Variants in ATXN10 observed in about 807,000 individuals in gnomAD.
ATXN10 encodes ataxin 10.
In ATXN10, 28 loss-of-function variants were observed where a neutral mutation model predicts 52.9. The ratio of observed to expected loss-of-function variants is 0.53; its 90% CI spans 0.39 to 0.73. The LOEUF is 0.73. ATXN10 is among the 30% of genes least tolerant of loss of function. The pLI, the probability that ATXN10 is intolerant of heterozygous loss-of-function variation, is 0.00. For synonymous variants in ATXN10, 226 were observed against 221.5 expected, an observed-to-expected ratio of 1.02 and a Z score of -0.18; for missense variants, 565 against 577.0, an observed-to-expected ratio of 0.98 and a Z score of 0.21.
intron 10 of ATXN10, among the ~76,000 whole-genome samples, chr22:45,829,825 C>T (rs1928930487): frequency 6.6e-6 from 1 of 152,124 alleles, no homozygotes; most frequent in South Asian, 2.1e-4. Context: ...TAATGCAAGT[C>T]ATGTCAATAT....
In ATXN10 at chr22:45,840,133, C is replaced by T. The variant is rs549061082; in HGVS notation, c.1238-2858C>T. On this transcript the variant is annotated intron_variant, in intron 10 of 11. Transcript: ENST00000252934. This position sits in a 1 kb window ranked among gnomAD's most constrained non-coding sequence, Gnocchi z 5.8. ...CACGGTGGCTGTAGTCCCAGCTATT[C>T]GGGAGGCTGAGGCAAGAGGATCACT... 1.2e-4 allele frequency among the ~76,000 whole-genome samples: 18 copies of T among 152,234 alleles called. No homozygotes were observed. In the South Asian group the frequency reaches 1.7e-3, roughly 14 times the overall value.
At position 45,787,591 on chromosome 22, in the gene ATXN10, A is replaced by G. The variant is rs1185430294; in HGVS notation, c.1174-19368A>G. ...CAGTCGTCTTGAGTTGAACGTTCTC[A>G]TCAATACTTTGGTGGCTCTTCCCAT... On this transcript the variant is annotated intron_variant, in intron 9 of 11. Coordinates refer to ENST00000252934, the MANE Select transcript of ATXN10 (RefSeq NM_013236.4). This position sits in a 1 kb window ranked among gnomAD's most constrained non-coding sequence, Gnocchi z 4.2. Among the ~76,000 whole-genome samples, 1 of 152,164 alleles carries G rather than the reference A, an allele frequency of 6.6e-6. No individual in the cohort carries two copies. Among genetic ancestry groups the G allele is most frequent in the African/African-American group, 2.4e-5 (1 of 41,436 alleles).
chr22:45,785,403 CTG>C (rs1486168257), intron 9 of ATXN10, among the ~76,000 whole-genome samples: 2 of 152,346 alleles, frequency 1.3e-5, no homozygotes, highest in African/African-American at 4.8e-5. Flanking sequence ...AAAACTAACA[CTG>C]TGCTTCTACT....
intron 6 of ATXN10, among the ~76,000 whole-genome samples, chr22:45,724,528 T>C (rs1214991772): frequency 2.0e-5 from 3 of 152,210 alleles, no homozygotes; most frequent in East Asian, 3.8e-4. Context: ...TGTTTTTTTC[T>C]CACTGATTTG....
In ATXN10 at chr22:45,712,504, C is replaced by G. The variant is rs1008568803; in HGVS notation, c.648-5909C>G. On this transcript the variant is annotated intron_variant, in intron 5 of 11. Coordinates refer to ENST00000252934, the MANE Select transcript of ATXN10 (RefSeq NM_013236.4). This position sits in a 1 kb window ranked among gnomAD's most constrained non-coding sequence, Gnocchi z 4.6. Reference sequence around the variant, plus strand: ...GGTAGACAGCGTAGCCAGTGTCACACTGCCAGTGAGTGTTGGGCTGAGACT... The same window carrying G: ...GGTAGACAGCGTAGCCAGTGTCACAGTGCCAGTGAGTGTTGGGCTGAGACT... Among the ~76,000 whole-genome samples, 3 of 152,190 alleles carry G rather than the reference C, an allele frequency of 2.0e-5. No individual in the cohort carries two copies. Among genetic ancestry groups the G allele is most frequent in the African/African-American group, 7.2e-5 (3 of 41,446 alleles).
At chr22:45,716,288 C>T (rs889755638) in intron 5 of ATXN10, among the ~76,000 whole-genome samples, 3 of 149,850 alleles carry the variant, frequency 2.0e-5, no homozygotes, top group African/African-American at 2.5e-5. Flanking sequence ...AAAACGAAAG[C>T]GGCGCTTAGA....
At chr22:45,821,560 C>G (rs1928650401) in intron 10 of ATXN10, among the ~76,000 whole-genome samples, 1 of 152,092 alleles carries the variant, frequency 6.6e-6, no homozygotes, top group South Asian at 2.1e-4. Context: ...GAGTCTATAT[C>G]CAGGATAAAA....
intron 9 of ATXN10, among the ~76,000 whole-genome samples, chr22:45,788,349 C>T (rs953723379): frequency 6.6e-6 from 1 of 151,912 alleles, no homozygotes; most frequent in Admixed American, 6.6e-5. Context: ...AATGATCCCA[C>T]CACACATCCA....
chr22:45,800,560 T>C (rs1440245018), intron 9 of ATXN10, among the ~76,000 whole-genome samples: 1 of 152,176 alleles, frequency 6.6e-6, no homozygotes, highest in African/African-American at 2.4e-5. Flanking sequence ...GTTGAACATA[T>C]ACTTCATATG....
chr22:45,736,552 C>G (rs978969256), intron 7 of ATXN10, among the ~76,000 whole-genome samples: 5 of 152,126 alleles, frequency 3.3e-5, no homozygotes, highest in Non-Finnish European at 7.4e-5. Flanking sequence ...ATAGGTTCCC[C>G]TTTCCTCTTC....
Position 45,833,606 on chromosome 22 carries a change from A to AT in ATXN10, c.1238-9383dup, listed in dbSNP as rs543334096. Among the ~76,000 whole-genome samples the AT allele has an allele frequency of 2.8e-3, 426 of 152,288 alleles. 8 individuals are homozygous for AT. Among genetic ancestry groups the AT allele is most frequent in the Non-Finnish European group, 6.8e-4 (46 of 68,010 alleles). The stretch of plus-strand genomic sequence containing the variant: ...GCTCCAAATTTTTATTTCACTTTGA[A>AT]TTGTTAGCTTATTAGCTAGTTCTAA... On this transcript the variant is annotated intron_variant, in intron 10 of 11. Transcript: ENST00000252934. This position sits in a 1 kb window ranked among gnomAD's most constrained non-coding sequence, Gnocchi z 4.3.
chr22:45,743,962 C>G (rs752091085), intron 9 of ATXN10, among the ~76,000 whole-genome samples: 1 of 152,080 alleles, frequency 6.6e-6, no homozygotes, highest in Non-Finnish European at 1.5e-5. Flanking sequence ...AATAGACTTC[C>G]TGCAGGACTT....
At chr22:45,693,804 G>T (rs1346926870) in intron 3 of ATXN10, among the ~76,000 whole-genome samples, 1 of 152,184 alleles carries the variant, frequency 6.6e-6, no homozygotes, top group Non-Finnish European at 1.5e-5. Context: ...TAGAGACCAT[G>T]TGAAGACACA....
At chr22:45,810,778 G>A (rs1025967480) in intron 10 of ATXN10, among the ~76,000 whole-genome samples, 3 of 151,900 alleles carry the variant, frequency 2.0e-5, no homozygotes, top group East Asian at 3.9e-4. Flanking sequence ...TTTTTGACTC[G>A]TGGATTATTA....
Position 45,672,133 on chromosome 22 carries a change from G to C in ATXN10, c.70G>C (p.Glu24Gln). Residue 24 changes from glutamate (E) to glutamine (Q), a missense_variant, in exon 1 of 12, where the codon GAG (glutamate) becomes CAG (glutamine). Physicochemically the swap from Glu to Gln is conservative, Grantham distance 29. Coordinates refer to ENST00000252934, the MANE Select transcript of ATXN10 (RefSeq NM_013236.4). ...VMVPAPIQDL[E>Q]ALRALTALFK... Reference sequence around the variant, plus strand: ...GGTGCCGGCGCCCATCCAAGACCTGGAGGCCCTGCGCGCGCTCACGGCGCT... The same window carrying C: ...GGTGCCGGCGCCCATCCAAGACCTGCAGGCCCTGCGCGCGCTCACGGCGCT... The C allele has an allele frequency of 6.5e-7, 1 of 1,540,340 alleles. No individual in the cohort carries two copies. Among genetic ancestry groups the C allele is most frequent in the Non-Finnish European group, 8.7e-7 (1 of 1,145,538 alleles).
intron 5 of ATXN10, among the ~76,000 whole-genome samples, chr22:45,710,263 G>GT (rs1175421826): frequency 1.3e-5 from 2 of 152,114 alleles, no homozygotes; most frequent in Non-Finnish European, 2.9e-5. Flanking sequence ...TGGTCTTACT[G>GT]TTTTTCTTTG....
rs1035414821 is a variant in ATXN10 at position 45,843,039 on chromosome 22, A to G, written c.1286A>G (p.Asn429Ser). The change falls in exon 11 of 12, where the codon AAC becomes AGC. Residue 429 changes from asparagine (N) to serine (S), a missense_variant. Physicochemically the swap from Asn to Ser is conservative, Grantham distance 46. Transcript: ENST00000252934. The surrounding 1 kb of genome is among the most constrained non-coding windows in gnomAD (Gnocchi z 4.5). ...GCCATCCGAAACCTTACCGAAGACA[A>G]CAGCCAAAACCAAGATTTGATTGCA... is the stretch of plus-strand genomic sequence containing the variant. ...IYAIRNLTED[N>S]SQNQDLIAKM... 2 of 1,614,090 alleles carry G rather than the reference A, an allele frequency of 1.2e-6. No individual in the cohort carries two copies. The highest frequency in any genetic ancestry group is 2.7e-5 in the African/African-American group (2 of 74,924).
chr22:45,809,279 A>T (rs1174128198), intron 10 of ATXN10, among the ~76,000 whole-genome samples: 1 of 151,922 alleles, frequency 6.6e-6, no homozygotes, highest in African/African-American at 2.4e-5. Flanking sequence ...AATGACTCCT[A>T]CTTTACTCCT....
In ATXN10 at chr22:45,718,364, C is replaced by G; in HGVS notation, c.648-49C>G. 1 of 1,425,044 alleles carries G rather than the reference C, an allele frequency of 7.0e-7. No homozygotes were observed. The highest frequency in any genetic ancestry group is 9.9e-7 in the Non-Finnish European group (1 of 1,008,086). The allele number at this position is 1,425,044 out of a possible 1,614,324, so 88.3% of individuals were successfully genotyped here. A position where few individuals can be genotyped will look rare whatever the true frequency, so the allele number is the denominator to read the frequency against. On this transcript the variant is annotated intron_variant, in intron 5 of 11. Transcript: ENST00000252934. The surrounding 1 kb of genome is among the most constrained non-coding windows in gnomAD (Gnocchi z 4.4). ...CTATAAAGTAGATAAGGGCATGTCT[C>G]TTTTACTATGTTTCAAGTAACCAAA...
Sources: gnomAD v4.1 joint callset for allele counts (sites outside exome capture counted in the v4.1 genomes callset) on GRCh38, gnomAD v4.1.1 for gene constraint, Gnocchi (gnomAD v3.1) non-coding constraint, MANE v1.5 for transcripts, NCBI Gene and HGNC (gene_info 2026-07-23, HGNC 2026-07-21) for gene names.